KCNJ15: variants seen among roughly 807,000 people sequenced by gnomAD.
KCNJ15 encodes the protein ATP-sensitive inward rectifier potassium channel 15.
Under a neutral mutation model 23.0 loss-of-function variants are expected in KCNJ15, and 14 were observed. The observed-to-expected ratio is 0.61, with a 90% CI of 0.40 to 0.95. The LOEUF is 0.95. KCNJ15 is among the 40% of genes least tolerant of loss of function. KCNJ15 has a pLI of 0.00. For missense variants in KCNJ15, 388 were observed against 461.8 expected (o/e 0.84, Z 1.46); for synonymous variants, 185 against 183.2 (o/e 1.01, Z -0.08).
At position 38,299,403 on chromosome 21, in the gene KCNJ15, C is replaced by T; in HGVS notation, c.142C>T (p.Leu48=). ...AATTGACAAAGTGGATGGCATATAC[C>T]TACTCTACCTGCAAGACCTGTGGAC... ...VRIDKVDGIY[L]LYLQDLWTTV... Residue 48 remains leucine, a synonymous_variant, in exon 3 of 3, where the codon CTA becomes TTA. Transcript: ENST00000398938. The surrounding 1 kb of genome is among the most constrained non-coding windows in gnomAD (Gnocchi z 4.5). 1.2e-6 allele frequency: 2 copies of T among 1,614,160 alleles called. No individual in the cohort carries two copies. Among genetic ancestry groups the T allele is most frequent in the Non-Finnish European group, 8.5e-7 (1 of 1,180,024 alleles).
At chr21:38,238,059 T>G (rs1049657360) in intron 1 of KCNJ15, 1 of 278,802 alleles carries the variant, frequency 3.6e-6, no homozygotes, top group Non-Finnish European at 7.1e-6. Context: ...ACTGTTAAGT[T>G]TATTCTAGGG....
chr21:38,298,819 T>C (rs927653331), intron 2 of KCNJ15, among the ~76,000 whole-genome samples: 9 of 152,240 alleles, frequency 5.9e-5, no homozygotes, highest in African/African-American at 9.6e-5. Context: ...AACATATTAC[T>C]CTATGAAATA....
chr21:38,263,276 G>A (rs1376652635), intron 1 of KCNJ15, among the ~76,000 whole-genome samples: 1 of 152,122 alleles, frequency 6.6e-6, no homozygotes, highest in Admixed American at 6.5e-5. Flanking sequence ...GGACAGGGGT[G>A]ATTCTGCTGG....
chr21:38,295,290 C>G (rs1171460109), intron 1 of KCNJ15, among the ~76,000 whole-genome samples: 1 of 152,108 alleles, frequency 6.6e-6, no homozygotes, highest in Non-Finnish European at 1.5e-5. Flanking sequence ...ATGTCAAATC[C>G]TGGAAAACAC....
At chr21:38,270,723 T>C (rs1230000515) in intron 1 of KCNJ15, among the ~76,000 whole-genome samples, 1 of 152,078 alleles carries the variant, frequency 6.6e-6, no homozygotes, top group Non-Finnish European at 1.5e-5. Context: ...TCCCGTTTTG[T>C]CAAAACTAAG....
chr21:38,260,013 G>T lies in KCNJ15; in HGVS notation c.-117+2828G>T, dbSNP rs1980711734. On this transcript the variant is annotated intron_variant, in intron 1 of 2. Transcript: ENST00000398938. ...AAAAGGAGAACTAAGGGCAGAGAGGGAGAGAAACTAAGTTATAATTTATAA... is the reference window on the plus strand; with the variant it reads ...AAAAGGAGAACTAAGGGCAGAGAGGTAGAGAAACTAAGTTATAATTTATAA... 3.3e-5 allele frequency among the ~76,000 whole-genome samples: 5 copies of T among 152,278 alleles called. No individual in the cohort carries two copies. In the South Asian group the frequency reaches 6.2e-4, roughly 19 times the overall value.
intron 1 of KCNJ15, among the ~76,000 whole-genome samples, chr21:38,278,736 C>T (rs971151382): frequency 1.3e-5 from 2 of 152,142 alleles, no homozygotes; most frequent in African/African-American, 4.8e-5. Context: ...GGCATCAAGT[C>T]AATCAATAGA....
chr21:38,267,451 G>C (rs1295607301), intron 1 of KCNJ15: 1 of 152,170 alleles, frequency 6.6e-6, no homozygotes, highest in African/African-American at 2.4e-5. Flanking sequence ...CAAGACCTTG[G>C]GGAATATAAT....
At chr21:38,247,631 T>G (rs145834629) in intron 1 of KCNJ15, among the ~76,000 whole-genome samples, 4 of 152,296 alleles carry the variant, frequency 2.6e-5, no homozygotes, top group Non-Finnish European at 4.4e-5. Context: ...GATGGATGGA[T>G]TGATTGAATA....
chr21:38,300,324 T>C lies in KCNJ15; in HGVS notation c.1063T>C (p.Tyr355His). 6.2e-7 allele frequency: 1 copy of C among 1,614,086 alleles called. No homozygotes were observed. Among genetic ancestry groups the C allele is most frequent in the Non-Finnish European group, 8.5e-7 (1 of 1,179,950 alleles). Residue 355 changes from tyrosine to histidine, a missense_variant, in exon 3 of 3, where the codon TAC becomes CAC. Tyr to His is a moderately conservative substitution (Grantham distance 83, BLOSUM62 2). Coordinates refer to ENST00000398938, the MANE Select transcript of KCNJ15 (RefSeq NM_170736.3). Reference protein sequence around the residue: ...DSEKQQLEEKYRQEDQREREL... With the variant: ...DSEKQQLEEKHRQEDQREREL... ...TGAGAAACAGCAACTCGAGGAGAAG[T>C]ACAGGCAGGAGGATCAGAGGGAAAG...
intron 1 of KCNJ15, among the ~76,000 whole-genome samples, chr21:38,276,881 AT>A (rs1410984613): frequency 1.3e-5 from 2 of 152,116 alleles, no homozygotes; most frequent in East Asian, 3.9e-4. Context: ...TGCATTCTAG[AT>A]TTATCAACTG....
intron 1 of KCNJ15, chr21:38,238,373 G>A (rs934961344): frequency 1.4e-6 from 1 of 717,874 alleles, no homozygotes. Flanking sequence ...AAACTCGAGG[G>A]GTCCCCATCA....
chr21:38,232,344 T>G (rs1054370935), intron 1 of KCNJ15, among the ~76,000 whole-genome samples: 1 of 151,898 alleles, frequency 6.6e-6, no homozygotes, highest in Non-Finnish European at 1.5e-5. Flanking sequence ...TCTTTTTTTC[T>G]TAGTCAATCA....
intron 1 of KCNJ15, among the ~76,000 whole-genome samples, chr21:38,281,940 A>T (rs534383391): frequency 6.6e-6 from 1 of 152,128 alleles, no homozygotes; most frequent in Non-Finnish European, 1.5e-5. Context: ...CTATTTTTTG[A>T]CTTTTTAGTA....
chr21:38,261,617 G>A (rs1333768018), intron 1 of KCNJ15, among the ~76,000 whole-genome samples: 3 of 152,344 alleles, frequency 2.0e-5, no homozygotes, highest in African/African-American at 7.2e-5. Flanking sequence ...ACCTTGCCAT[G>A]AAAGGTAGGT....
intron 1 of KCNJ15, among the ~76,000 whole-genome samples, chr21:38,284,546 A>G (rs1163079988): frequency 6.6e-6 from 1 of 152,224 alleles, no homozygotes; most frequent in African/African-American, 2.4e-5. Flanking sequence ...CCGATTAAAC[A>G]GACTCTCAGC....
At chr21:38,245,959 T>C (rs1979347847) in intron 1 of KCNJ15, among the ~76,000 whole-genome samples, 1 of 152,234 alleles carries the variant, frequency 6.6e-6, no homozygotes, top group African/African-American at 2.4e-5. Context: ...GAATTTCTGC[T>C]TCTCAGTTCA....
In KCNJ15 at chr21:38,299,712, G is replaced by A. The variant is rs777684658; in HGVS notation, c.451G>A (p.Val151Ile). The A allele has an allele frequency of 6.2e-7, 1 of 1,614,072 alleles. No homozygotes were observed. Among genetic ancestry groups the A allele is most frequent in the Non-Finnish European group, 8.5e-7 (1 of 1,180,014 alleles). Residue 151 changes from valine to isoleucine, a missense_variant, in exon 3 of 3, where the codon GTC (valine) becomes ATC (isoleucine). By Grantham distance (29) the Val-to-Ile change is conservative. Coordinates refer to ENST00000398938, the MANE Select transcript of KCNJ15 (RefSeq NM_170736.3). The surrounding 1 kb of genome is among the most constrained non-coding windows in gnomAD (Gnocchi z 4.5). ...HAIFLLVAQL[V>I]ITTLIEIFIT... is the part of the protein sequence containing the mutation. ...CATCTTCCTGTTGGTTGCTCAGTTG[G>A]TCATCACGACCTTGATTGAGATCTT...
intron 1 of KCNJ15, among the ~76,000 whole-genome samples, chr21:38,264,863 G>A (rs1363476896): frequency 6.6e-6 from 1 of 152,150 alleles, no homozygotes; most frequent in Non-Finnish European, 1.5e-5. Flanking sequence ...CAACAGAGGA[G>A]AAATAGAAAA....
Sources: gnomAD v4.1 joint callset for allele counts (sites outside exome capture counted in the v4.1 genomes callset) on GRCh38, gnomAD v4.1.1 for gene constraint, Gnocchi (gnomAD v3.1) non-coding constraint, MANE v1.5 for transcripts, NCBI Gene and HGNC (gene_info 2026-07-23, HGNC 2026-07-21) for gene names.